Variants in KALRN observed in about 807,000 individuals in gnomAD.
The protein encoded by KALRN is kalirin.
A neutral mutation model predicts 353.7 loss-of-function variants in KALRN; 70 were observed. The observed-to-expected ratio is 0.20, with a 90% CI of 0.16 to 0.24. KALRN has a LOEUF of 0.24. Ranked by LOEUF, KALRN falls within the 10% of genes least tolerant of loss-of-function variation. The pLI is 1.00. For missense variants in KALRN, 2,791 were observed against 3,756.7 expected (o/e 0.74, Z 6.72); for synonymous variants, 1,391 against 1,434.8 (o/e 0.97, Z 0.69).
At chr3:124,397,646 T>G (rs2090327192) in intron 12 of KALRN, among the ~76,000 whole-genome samples, 1 of 152,230 alleles carries the variant, frequency 6.6e-6, no homozygotes, top group African/African-American at 2.4e-5. Context: ...CCCATTATAG[T>G]TATCACCACC....
At chr3:124,199,236 T>A (rs910729530) in intron 1 of KALRN, among the ~76,000 whole-genome samples, 1 of 152,198 alleles carries the variant, frequency 6.6e-6, no homozygotes, top group African/African-American at 2.4e-5. Flanking sequence ...TCTGCTTTAT[T>A]TGCACCAAGA....
intron 34 of KALRN, among the ~76,000 whole-genome samples, chr3:124,610,505 G>A (rs961038231): frequency 1.8e-4 from 28 of 152,256 alleles, no homozygotes; most frequent in African/African-American, 6.0e-4. Context: ...CTGGTCCTGG[G>A]GTGATTAGGG....
intron 13 of KALRN, among the ~76,000 whole-genome samples, chr3:124,406,965 C>T (rs1415381260): frequency 1.3e-5 from 2 of 151,382 alleles, no homozygotes; most frequent in Admixed American, 6.6e-5. Context: ...TCCAGAGTAG[C>T]TGGGATTACA....
rs35779082 is a variant in KALRN, at chr3:124,718,122, AT to A, written c.8415+754del. Among the ~76,000 whole-genome samples, 497 of 126,928 alleles carry A rather than the reference AT, an allele frequency of 3.9e-3. 1 individual carries two copies. The highest frequency in any genetic ancestry group is 0.013 in the East Asian group (57 of 4,300). 83.3% of individuals were successfully genotyped at this position (126,928 alleles called of 152,430 possible). A position where few individuals can be genotyped will look rare whatever the true frequency, so the allele number is the denominator to read the frequency against. ...CCAACACATCCATCCCATTATGACTATTTTTTTTTTTTTTTTTGAGATGGAG... is the reference window on the plus strand; with the variant it reads ...CCAACACATCCATCCCATTATGACTATTTTTTTTTTTTTTTTGAGATGGAG... On this transcript the variant is annotated intron_variant, in intron 59 of 59. Transcript: ENST00000682506.
intron 38 of KALRN, among the ~76,000 whole-genome samples, chr3:124,653,997 T>C (rs2083704365): frequency 1.3e-5 from 2 of 152,214 alleles, no homozygotes; most frequent in Non-Finnish European, 2.9e-5. Flanking sequence ...TTCCCTTCTC[T>C]AAAGGCTGAG....
At position 124,659,153 on chromosome 3, in the gene KALRN, G is replaced by GGAGGAAGGCAGGAAGCCAGTGGTGATGT. The variant is rs527332847; in HGVS notation, c.6124-210_6124-183dup. On this transcript the variant is annotated intron_variant, in intron 42 of 59. Coordinates refer to ENST00000682506, the MANE Select transcript of KALRN (RefSeq NM_001388419.1). ...TGGAAGTACTCACTGTAAAAGCATG[G>GGAGGAAGGCAGGAAGCCAGTGGTGATGT]GAGGAAGGCAGGAAGCCAGTGGTGA... Among the ~76,000 whole-genome samples, 209 of 152,300 alleles carry GGAGGAAGGCAGGAAGCCAGTGGTGATGT rather than the reference G, an allele frequency of 1.4e-3. 3 individuals carry two copies. The highest frequency in any genetic ancestry group is 4.8e-3 in the African/African-American group (198 of 41,566).
chr3:124,235,004 T>C, intron 3 of KALRN, 61 bp downstream of exon 3: 1 of 1,223,728 alleles, frequency 8.2e-7, no homozygotes, highest in Non-Finnish European at 1.2e-6. Flanking sequence ...ATGCCAGTTT[T>C]GGAAGGAGCC....
intron 45 of KALRN, among the ~76,000 whole-genome samples, chr3:124,665,191 A>T (rs1310612263): frequency 6.6e-6 from 1 of 152,214 alleles, no homozygotes; most frequent in Admixed American, 6.5e-5. Context: ...CGCCTGAGAA[A>T]GAGCACCTGC....
Position 124,249,651 on chromosome 3 carries a change from C to T in KALRN, c.263+14708C>T, listed in dbSNP as rs1232097117. 1.3e-5 allele frequency among the ~76,000 whole-genome samples: 2 copies of T among 152,088 alleles called. 1 individual carries two copies. ...AGCAGCATGCACAGGATAAGGGCCT[C>T]TATGAAGTCATATGTGGAGGGATTC... On this transcript the variant is annotated intron_variant, in intron 3 of 59. Transcript: ENST00000682506.
intron 33 of KALRN, chr3:124,519,664 A>T: frequency 1.0e-6 from 1 of 985,358 alleles, no homozygotes; most frequent in Non-Finnish European, 1.2e-6. Flanking sequence ...TTTCGAAGGA[A>T]TCGTGCTCTC....
intron 2 of KALRN, among the ~76,000 whole-genome samples, chr3:124,229,979 G>A (rs2078973720): frequency 6.6e-6 from 1 of 152,186 alleles, no homozygotes. Context: ...TGGGTATGGG[G>A]AGAGGCATAG....
In KALRN at chr3:124,650,838, T is replaced by A. The variant is rs746853235; in HGVS notation, c.5695T>A (p.Leu1899Met). ...SLEGSSYRGS[L>M]KDPAGCLNEG... The stretch of plus-strand genomic sequence containing the variant: ...AGAAGGAAGCTCATACCGGGGGAGC[T>A]TGAAAGACCCTGCAGGCTGCCTGAA... The change falls in exon 38 of 60, where the codon TTG becomes ATG. Residue 1899 changes from leucine to methionine, a missense_variant. Physicochemically the swap from Leu to Met is conservative, Grantham distance 15 (BLOSUM62 2). Coordinates refer to ENST00000682506, the MANE Select transcript of KALRN (RefSeq NM_001388419.1). 2 of 1,613,912 alleles carry A rather than the reference T, an allele frequency of 1.2e-6. No individual in the cohort carries two copies. Among genetic ancestry groups the A allele is most frequent in the Non-Finnish European group, 8.5e-7 (1 of 1,179,834 alleles).
At chr3:124,188,823 A>G (rs920262449) in intron 1 of KALRN, among the ~76,000 whole-genome samples, 1 of 152,218 alleles carries the variant, frequency 6.6e-6, no homozygotes, top group East Asian at 1.9e-4. Flanking sequence ...AGCAGGCAGC[A>G]TGAACTTTAG....
chr3:124,467,249 G>C (rs979214620), intron 25 of KALRN, among the ~76,000 whole-genome samples: 14 of 152,202 alleles, frequency 9.2e-5, no homozygotes, highest in African/African-American at 3.4e-4. Flanking sequence ...GGAATTTAGG[G>C]AAGGGCACCC....
At chr3:124,683,926 C>A (rs2061444933) in intron 51 of KALRN, among the ~76,000 whole-genome samples, 1 of 152,164 alleles carries the variant, frequency 6.6e-6, no homozygotes, top group African/African-American at 2.4e-5. Flanking sequence ...ATTTAGTTAA[C>A]CTCTTCATTT....
intron 11 of KALRN, among the ~76,000 whole-genome samples, chr3:124,390,015 C>T (rs2089100985): frequency 6.6e-6 from 1 of 152,204 alleles, no homozygotes; most frequent in Non-Finnish European, 1.5e-5. Flanking sequence ...AGAGCCTCCA[C>T]TACTAGTACA....
intron 46 of KALRN, 71 bp from the exon 47 acceptor site, chr3:124,666,941 G>A: frequency 6.9e-7 from 1 of 1,455,078 alleles, no homozygotes; most frequent in Non-Finnish European, 9.3e-7. Context: ...GAAACTTTGA[G>A]GAAGAGTAAT....
At chr3:124,238,194 T>C (rs2080021719) in intron 3 of KALRN, among the ~76,000 whole-genome samples, 1 of 151,762 alleles carries the variant, frequency 6.6e-6, no homozygotes, top group African/African-American at 2.4e-5. Context: ...TCTCCACAGT[T>C]GAAGGAATGA....
chr3:124,158,330 GA>G (rs573472758), intron 1 of KALRN, among the ~76,000 whole-genome samples: 40 of 152,314 alleles, frequency 2.6e-4, no homozygotes, highest in African/African-American at 9.6e-4. Context: ...CCAGTCTACT[GA>G]GGAGATGATA....
Sources: allele counts gnomAD v4.1 joint callset (sites outside exome capture counted in the v4.1 genomes callset), GRCh38; gene constraint gnomAD v4.1.1; transcripts MANE v1.5; gene names NCBI Gene and HGNC (gene_info 2026-07-23, HGNC 2026-07-21).